Variants in GSTO2 observed in about 807,000 individuals in gnomAD.
GSTO2 encodes glutathione S-transferase omega-2.
GSTO2 carries 23 observed loss-of-function variants against 28.4 expected under a neutral mutation model. That is an observed-to-expected ratio of 0.81 (90% confidence interval 0.58 to 1.15). GSTO2 has a LOEUF of 1.15. Among genes scored for constraint, GSTO2 ranks in the 50% most tolerant of loss-of-function variants. GSTO2 has a pLI of 0.00. For missense variants in GSTO2, 298 were observed against 297.8 expected (o/e 1.00, Z 0.00); for synonymous variants, 109 against 111.0 (o/e 0.98, Z 0.11).
In GSTO2 at chr10:104,302,420, T is replaced by C. The variant is rs1393081214; in HGVS notation, c.*3136T>C. On this transcript the variant is annotated 3_prime_UTR_variant, in exon 7 of 7. Transcript: ENST00000338595. ...ACATCAGAATGGAGGTTGTGTGGAG[T>C]TCCCCTCCTTGGAGGTTCTGAGCTA... The C allele has an allele frequency of 6.6e-6, 1 of 152,252 alleles. No homozygotes were observed. Among genetic ancestry groups the C allele is most frequent in the East Asian group, 1.9e-4 (1 of 5,196 alleles). The allele number at this position is 152,252 out of a possible 1,614,324, so 9.4% of individuals were successfully genotyped here.
intron 1 of GSTO2, among the ~76,000 whole-genome samples, chr10:104,270,343 C>T (rs2011334787): frequency 6.6e-6 from 1 of 151,788 alleles, no homozygotes. Context: ...CACCATTATT[C>T]GTGGGATTTA....
intron 1 of GSTO2, among the ~76,000 whole-genome samples, chr10:104,274,168 CG>C (rs1039028198): frequency 1.2e-4 from 19 of 152,110 alleles, no homozygotes; most frequent in African/African-American, 4.3e-4. Flanking sequence ...TGCTGGGGAA[CG>C]GGGGAAGCTC....
rs2011554487 is a variant in GSTO2 at position 104,274,928 on chromosome 10, GC to G, written c.14del (p.Ala5GlyfsTer19). 6.2e-7 allele frequency: 1 copy of G among 1,609,914 alleles called. No homozygotes were observed. ...CCACCTGGAGACCATGTCTGGGGAT[GC>G]GACCAGGACCCTGGGGAAAGGTGAG... MSGD[A>X]TRTLGKGSQP... is the part of the protein sequence containing the mutation. On this transcript the variant is annotated frameshift_variant, in exon 2 of 7. Coordinates refer to ENST00000338595, the MANE Select transcript of GSTO2 (RefSeq NM_183239.2). LOFTEE classifies it high-confidence loss of function.
Position 104,302,876 on chromosome 10 carries a change from C to G in GSTO2, c.*3592C>G, listed in dbSNP as rs1379984653. ...CATGAGAGGAAGCTTCCTGAGGGCT[C>G]TCCAGAAGCAGAATCTACTACACTT... On this transcript the variant is annotated 3_prime_UTR_variant, in exon 7 of 7. Coordinates refer to ENST00000338595, the MANE Select transcript of GSTO2 (RefSeq NM_183239.2). The G allele has an allele frequency of 6.6e-6, 1 of 152,180 alleles. No individual in the cohort carries two copies. The highest frequency in any genetic ancestry group is 1.5e-5 in the Non-Finnish European group (1 of 68,042). 9.4% of individuals were successfully genotyped at this position (152,180 alleles called of 1,614,324 possible). A position where few individuals can be genotyped will look rare whatever the true frequency, so the allele number is the denominator to read the frequency against.
intron 5 of GSTO2, among the ~76,000 whole-genome samples, chr10:104,283,801 T>C (rs759929871): frequency 1.3e-5 from 2 of 152,204 alleles, no homozygotes; most frequent in Non-Finnish European, 2.9e-5. Context: ...GATCCCCTGA[T>C]TTATGTAACT....
chr10:104,302,383 T>C lies in GSTO2; in HGVS notation c.*3099T>C, dbSNP rs1368267284. On this transcript the variant is annotated 3_prime_UTR_variant, in exon 7 of 7. Transcript: ENST00000338595. ...CCACAGCATTTAAAAGAAATGGTCA[T>C]AGATGATGTTAACATCAGAATGGAG... 6.6e-6 allele frequency: 1 copy of C among 152,260 alleles called. No homozygotes were observed. The highest frequency in any genetic ancestry group is 2.4e-5 in the African/African-American group (1 of 41,456). The allele number at this position is 152,260 out of a possible 1,614,324, so 9.4% of individuals were successfully genotyped here.
At chr10:104,290,245 C>T (rs920430033) in intron 5 of GSTO2, among the ~76,000 whole-genome samples, 5 of 152,318 alleles carry the variant, frequency 3.3e-5, no homozygotes. Flanking sequence ...GTGGCTCACT[C>T]CTGTAATCCC....
Position 104,299,809 on chromosome 10 carries a change from G to A in GSTO2, c.*525G>A, listed in dbSNP as rs184903140. On this transcript the variant is annotated 3_prime_UTR_variant, in exon 7 of 7. Coordinates refer to ENST00000338595, the MANE Select transcript of GSTO2 (RefSeq NM_183239.2). ...AGCTTCTAACTATTTTCTAGAAAGT[G>A]CCTGGTGCTAATGTCAGAGCACATT... 6.1e-6 allele frequency: 1 copy of A among 164,190 alleles called. No homozygotes were observed. The highest frequency in any genetic ancestry group is 1.3e-5 in the Non-Finnish European group (1 of 76,514). 10.2% of individuals were successfully genotyped at this position (164,190 alleles called of 1,614,324 possible). A position where few individuals can be genotyped will look rare whatever the true frequency, so the allele number is the denominator to read the frequency against.
chr10:104,295,151 T>G (rs2012965365), intron 5 of GSTO2: 1 of 152,170 alleles, frequency 6.6e-6, no homozygotes, highest in South Asian at 2.1e-4. Context: ...GAACATAAAG[T>G]CTGGAGCCTT....
intron 3 of GSTO2, among the ~76,000 whole-genome samples, 200 bp downstream of exon 3, chr10:104,275,534 G>A (rs2011592784): frequency 6.6e-6 from 1 of 152,036 alleles, no homozygotes; most frequent in Non-Finnish European, 1.5e-5. Context: ...TCCGAGTCAC[G>A]CCTATGCATG....
intron 5 of GSTO2, chr10:104,286,024 A>AT (rs1298854516): frequency 1.2e-4 from 32 of 269,436 alleles, no homozygotes. Flanking sequence ...TACAAGCTAA[A>AT]TTTTTTATCA....
chr10:104,274,903 C>A lies in GSTO2; in HGVS notation c.-13C>A. The A allele has an allele frequency of 6.2e-7, 1 of 1,608,536 alleles. No individual in the cohort carries two copies. Among genetic ancestry groups the A allele is most frequent in the South Asian group, 1.1e-5 (1 of 89,982 alleles). ...CCGTGAGCTCCGGGAGCTGCGCAAA[C>A]CACCTGGAGACCATGTCTGGGGATG... is the stretch of plus-strand genomic sequence containing the variant. On this transcript the variant is annotated 5_prime_UTR_variant, in exon 2 of 7. Coordinates refer to ENST00000338595, the MANE Select transcript of GSTO2 (RefSeq NM_183239.2).
At chr10:104,295,704 G>C (rs1589876003) in intron 5 of GSTO2, 1 of 152,398 alleles carries the variant, frequency 6.6e-6, no homozygotes, top group Middle Eastern at 3.4e-3. Context: ...ACACAGCACA[G>C]GACCAAGTCT....
chr10:104,294,370 G>C (rs1171138864), intron 5 of GSTO2, among the ~76,000 whole-genome samples: 1 of 152,162 alleles, frequency 6.6e-6, no homozygotes, highest in Non-Finnish European at 1.5e-5. Context: ...ATGTCTGGAA[G>C]GTTCCAGGTT....
intron 3 of GSTO2, among the ~76,000 whole-genome samples, chr10:104,277,513 T>C (rs2011703620): frequency 6.6e-6 from 1 of 152,176 alleles, no homozygotes; most frequent in Non-Finnish European, 1.5e-5. Context: ...CTTGAATTCC[T>C]GACCTCAGAT....
chr10:104,272,223 T>C (rs373590006), intron 1 of GSTO2, among the ~76,000 whole-genome samples: 1 of 152,318 alleles, frequency 6.6e-6, no homozygotes. Flanking sequence ...TAAAACTTTT[T>C]TTTAAAAAAA....
At chr10:104,270,924 A>T (rs2011372352) in intron 1 of GSTO2, among the ~76,000 whole-genome samples, 1 of 152,266 alleles carries the variant, frequency 6.6e-6, no homozygotes, top group Admixed American at 6.5e-5. Flanking sequence ...TTAATCACCC[A>T]TGACCGAAGA....
rs1019810633 is a variant in GSTO2 at position 104,299,339 on chromosome 10, C to T, written c.*55C>T. 35 of 1,584,616 alleles carry T rather than the reference C, an allele frequency of 2.2e-5. No individual in the cohort carries two copies. In the Middle Eastern group the frequency reaches 8.3e-4, roughly 38 times the overall value. Reference sequence around the variant, plus strand: ...AATTCCCCAGCTTGTTGGGAGTCTACGTCACGGCTTGTCTTGGGAACCAAT... The same window carrying T: ...AATTCCCCAGCTTGTTGGGAGTCTATGTCACGGCTTGTCTTGGGAACCAAT... On this transcript the variant is annotated 3_prime_UTR_variant, in exon 7 of 7. Transcript: ENST00000338595.
chr10:104,288,113 A>G (rs2012556401), intron 5 of GSTO2, among the ~76,000 whole-genome samples: 1 of 152,010 alleles, frequency 6.6e-6, no homozygotes, highest in Non-Finnish European at 1.5e-5. Context: ...GATGGTCTCC[A>G]TCTCCTGACC....
Sources: gnomAD v4.1 joint callset for allele counts (sites outside exome capture counted in the v4.1 genomes callset) on GRCh38, gnomAD v4.1.1 for gene constraint, MANE v1.5 for transcripts, NCBI Gene and HGNC (gene_info 2026-07-23, HGNC 2026-07-21) for gene names.